The following WDR49 variants were observed in gnomAD, a reference collection of about 807,000 sequenced individuals.
The protein encoded by WDR49 is cilia- and flagella-associated protein 337.
A neutral mutation model predicts 119.5 loss-of-function variants in WDR49; 107 were observed. The ratio of observed to expected loss-of-function variants is 0.90; its 90% CI spans 0.77 to 1.05. WDR49 has a LOEUF of 1.05. Among genes scored for constraint, WDR49 ranks in the 50% least tolerant of loss-of-function variants. The pLI is 0.00. For synonymous variants in WDR49, 425 were observed against 418.8 expected (o/e 1.01, Z -0.18); for missense variants, 1,240 against 1,220.5 (o/e 1.02, Z -0.24).
chr3:167,643,009 A>G (rs1717955153), intron 2 of WDR49, among the ~76,000 whole-genome samples: 1 of 152,036 alleles, frequency 6.6e-6, no homozygotes, highest in Non-Finnish European at 1.5e-5. Flanking sequence ...TTACAGAAAG[A>G]AAAATGCCAT....
chr3:167,621,460 C>T lies in WDR49; in HGVS notation c.783+7G>A, dbSNP rs1475553952. Reference sequence around the variant, plus strand: ...ATAGTATTCAATCTTAATCTACCCTCACTTACCTTTCCAGTTATATCCCCA... The same window carrying T: ...ATAGTATTCAATCTTAATCTACCCTTACTTACCTTTCCAGTTATATCCCCA... On this transcript the variant is annotated splice_region_variant and intron_variant, in intron 4 of 18. Transcript: ENST00000682715. The T allele has an allele frequency of 6.6e-7, 1 of 1,524,478 alleles. No individual in the cohort carries two copies. Among genetic ancestry groups the T allele is most frequent in the East Asian group, 2.5e-5 (1 of 40,702 alleles). 94.4% of individuals were successfully genotyped at this position (1,524,478 alleles called of 1,614,324 possible).
At chr3:167,648,800 C>T (rs1718242412) in intron 2 of WDR49, among the ~76,000 whole-genome samples, 2 of 152,140 alleles carry the variant, frequency 1.3e-5, no homozygotes, top group South Asian at 2.1e-4. Flanking sequence ...GTGGGGACAG[C>T]CTGAGACCTG....
At chr3:167,591,451 C>A (rs1715101653) in intron 7 of WDR49, among the ~76,000 whole-genome samples, 1 of 151,952 alleles carries the variant, frequency 6.6e-6, no homozygotes, top group Non-Finnish European at 1.5e-5. Context: ...TCTGATGTTT[C>A]TTTGTTGATT....
chr3:167,639,732 GC>G (rs1717790780), intron 2 of WDR49, among the ~76,000 whole-genome samples: 1 of 151,780 alleles, frequency 6.6e-6, no homozygotes, highest in Non-Finnish European at 1.5e-5. Context: ...GCTCTTTCTT[GC>G]TGTCACATCC....
At chr3:167,557,810 T>C (rs935754540) in intron 9 of WDR49, among the ~76,000 whole-genome samples, 2 of 151,604 alleles carry the variant, frequency 1.3e-5, no homozygotes, top group Non-Finnish European at 2.9e-5. Flanking sequence ...CATATATGTG[T>C]GTGTGAAATG....
At chr3:167,553,898 C>T (rs535680512) in intron 10 of WDR49, among the ~76,000 whole-genome samples, 1 of 152,176 alleles carries the variant, frequency 6.6e-6, no homozygotes, top group South Asian at 2.1e-4. Flanking sequence ...TGATAAAAAT[C>T]CCCAAATATA....
chr3:167,620,419 A>T lies in WDR49; in HGVS notation c.958+10T>A. 6.5e-7 allele frequency: 1 copy of T among 1,533,008 alleles called. No homozygotes were observed. The highest frequency in any genetic ancestry group is 1.2e-5 in the South Asian group (1 of 83,584). 95.0% of individuals were successfully genotyped at this position (1,533,008 alleles called of 1,614,324 possible). ...GACCATTTACTTTCATTACTGTTCA[A>T]ATTCAATACCTTGCCTGACCCAATC... On this transcript the variant is annotated intron_variant, in intron 5 of 18. Transcript: ENST00000682715.
chr3:167,631,010 C>T (rs988127527), intron 2 of WDR49, among the ~76,000 whole-genome samples: 2 of 151,590 alleles, frequency 1.3e-5, no homozygotes, highest in Admixed American at 1.3e-4. Flanking sequence ...CAGCGAAATC[C>T]GCAACAATAA....
At chr3:167,495,067 T>G (rs775753734) in intron 18 of WDR49, among the ~76,000 whole-genome samples, 2 of 151,996 alleles carry the variant, frequency 1.3e-5, no homozygotes, top group Non-Finnish European at 2.9e-5. Context: ...AATTTCAGTG[T>G]CTATAGATCT....
At chr3:167,576,282 A>C in intron 7 of WDR49, 131 bp from the exon 8 acceptor site, 8 of 692,724 alleles carry the variant, frequency 1.2e-5, no homozygotes, top group Non-Finnish European at 1.7e-5. Context: ...ATTGGTTCTC[A>C]ATTCTGCCAT....
Position 167,627,167 on chromosome 3 carries a change from T to C in WDR49, c.291A>G (p.Gln97=). The change falls in exon 3 of 19, where the codon CAA becomes CAG. Residue 97 remains glutamine, a synonymous_variant. Coordinates refer to ENST00000682715, the MANE Select transcript of WDR49 (RefSeq NM_001366157.1). ...GCTTGTCCCAATTAATGAAGCCATC[T>C]TGGGCCACATCCACTTTGTCAAAGA... ...GELFDKVDVA[Q]DGFINWDKLT... is the part of the protein sequence containing the mutation. The C allele has an allele frequency of 7.9e-7, 1 of 1,261,110 alleles. No homozygotes were observed. Among genetic ancestry groups the C allele is most frequent in the East Asian group, 3.1e-5 (1 of 32,732 alleles). The allele number at this position is 1,261,110 out of a possible 1,614,324, so 78.1% of individuals were successfully genotyped here.
intron 18 of WDR49, among the ~76,000 whole-genome samples, chr3:167,492,081 A>G (rs1172530946): frequency 6.6e-6 from 1 of 152,132 alleles, no homozygotes; most frequent in Non-Finnish European, 1.5e-5. Flanking sequence ...GAAAAAATGC[A>G]GTGCAAAGAC....
intron 7 of WDR49, among the ~76,000 whole-genome samples, chr3:167,601,398 A>G (rs937111192): frequency 2.6e-5 from 4 of 152,176 alleles, no homozygotes; most frequent in East Asian, 1.9e-4. Context: ...ACTATCTTCA[A>G]TACACTTTAT....
At chr3:167,625,448 G>A (rs1188505966) in intron 3 of WDR49, among the ~76,000 whole-genome samples, 2 of 151,944 alleles carry the variant, frequency 1.3e-5, no homozygotes, top group East Asian at 3.9e-4. Context: ...TAGAAAACCA[G>A]CTCATTATTT....
rs748102948 is a variant in WDR49, at chr3:167,575,990, A to G, written c.1437T>C (p.Ser479=). 6.2e-7 allele frequency: 1 copy of G among 1,614,132 alleles called. No individual in the cohort carries two copies. Among genetic ancestry groups the G allele is most frequent in the Admixed American group, 1.7e-5 (1 of 60,010 alleles). The change falls in exon 8 of 19, where the codon AGT becomes AGC. Residue 479 remains serine (S), a synonymous_variant. Transcript: ENST00000682715. ...GGCTTTTCACCCTCTTGCTGGCTTC[A>G]CTTTTCATTGCCAACAATGCTAGCT... ...NNQLALLAMK[S]EASKRVKSHE...
At chr3:167,563,442 G>A (rs1212967343) in intron 8 of WDR49, among the ~76,000 whole-genome samples, 1 of 150,732 alleles carries the variant, frequency 6.6e-6, no homozygotes, top group Non-Finnish European at 1.5e-5. Flanking sequence ...TCTCACAGAA[G>A]TGCTTAGGAA....
intron 2 of WDR49, among the ~76,000 whole-genome samples, chr3:167,636,753 G>A (rs936567418): frequency 6.6e-6 from 1 of 151,742 alleles, no homozygotes; most frequent in African/African-American, 2.4e-5. Context: ...GTAATGTTGA[G>A]CATTTTTTCA....
At chr3:167,654,295 C>T (rs1184899781), upstream of WDR49, among the ~76,000 whole-genome samples, 1 of 151,852 alleles carries the variant, frequency 6.6e-6, no homozygotes, top group Non-Finnish European at 1.5e-5. Context: ...GAATCTGTTT[C>T]TTATATTCTT....
intron 18 of WDR49, among the ~76,000 whole-genome samples, chr3:167,483,197 T>C (rs1156675768): frequency 1.3e-5 from 2 of 152,206 alleles, no homozygotes; most frequent in Non-Finnish European, 2.9e-5. Flanking sequence ...ATACCAGCAG[T>C]ATGAGATAAT....
Sources: gnomAD v4.1 joint callset for allele counts (sites outside exome capture counted in the v4.1 genomes callset) on GRCh38, gnomAD v4.1.1 for gene constraint, MANE v1.5 for transcripts, NCBI Gene and HGNC (gene_info 2026-07-23, HGNC 2026-07-21) for gene names.